Variants in DNAH11 observed in about 807,000 individuals in gnomAD.
DNAH11 encodes dynein axonemal heavy chain 11.
DNAH11 carries 442 observed loss-of-function variants against 526.0 expected under a neutral mutation model. The ratio of observed to expected loss-of-function variants is 0.84; its 90% CI spans 0.78 to 0.91. DNAH11 has a LOEUF of 0.91. Among genes scored for constraint, DNAH11 ranks in the 40% least tolerant of loss-of-function variants. The pLI, the probability that DNAH11 is intolerant of heterozygous loss-of-function variation, is 0.00. For missense variants in DNAH11, 6,989 were observed against 5,448.7 expected (o/e 1.28, Z -8.90); for synonymous variants, 2,461 against 1,935.9 (o/e 1.27, Z -7.12).
intron 55 of DNAH11, among the ~76,000 whole-genome samples, chr7:21,766,385 C>T (rs1787185913): frequency 6.6e-6 from 1 of 152,152 alleles, no homozygotes; most frequent in Non-Finnish European, 1.5e-5. Context: ...GCTTTGTCTT[C>T]TCATTCCATT....
chr7:21,886,758 T>C (rs1023556437), intron 76 of DNAH11, among the ~76,000 whole-genome samples: 5 of 152,150 alleles, frequency 3.3e-5, no homozygotes, highest in African/African-American at 1.2e-4. Context: ...ATTCAAATAA[T>C]TGTAAAATAA....
intron 22 of DNAH11, 53 bp downstream of exon 22, chr7:21,616,345 C>G (rs767779996): frequency 7.2e-7 from 1 of 1,380,440 alleles, no homozygotes. Context: ...GCACCACCTC[C>G]TTCCATCTTC....
intron 61 of DNAH11, among the ~76,000 whole-genome samples, chr7:21,795,247 G>C (rs76431499): frequency 5.3e-5 from 8 of 152,180 alleles, no homozygotes; most frequent in African/African-American, 1.9e-4. Flanking sequence ...TGGCTGCTAG[G>C]TTTGGTGTGC....
chr7:21,571,033 A>G (rs1783865656), intron 7 of DNAH11, among the ~76,000 whole-genome samples: 1 of 152,202 alleles, frequency 6.6e-6, no homozygotes, highest in Non-Finnish European at 1.5e-5. Context: ...AATCACTTAA[A>G]TGAGCCTGAA....
chr7:21,751,043 G>A (rs1324322035), intron 54 of DNAH11, among the ~76,000 whole-genome samples: 2 of 152,128 alleles, frequency 1.3e-5, no homozygotes, highest in Non-Finnish European at 2.9e-5. Context: ...ACTCAGATGG[G>A]CCGGGTGCAG....
intron 76 of DNAH11, 27 bp from the exon 77 acceptor site, chr7:21,892,398 T>G (rs777730710): frequency 1.3e-6 from 2 of 1,589,096 alleles, no homozygotes; most frequent in South Asian, 2.3e-5. Flanking sequence ...ACATTTGGAA[T>G]AACTGACTTT....
rs1367807231 is a variant in DNAH11, at chr7:21,873,271, C to A, written c.11968-3C>A. 3.2e-6 allele frequency: 5 copies of A among 1,576,704 alleles called. No homozygotes were observed. The South Asian group carries it at 5.8e-5, about 18-fold the overall frequency. On this transcript the variant is annotated splice_region_variant and splice_polypyrimidine_tract_variant and intron_variant, in intron 73 of 81. Coordinates refer to ENST00000409508, the MANE Select transcript of DNAH11 (RefSeq NM_001277115.2). Reference sequence around the variant, plus strand: ...AGGAATTATGCACCATGCTATCTTTCAGAATGTTCATTTGGTAGCCAAGTG... The same window carrying A: ...AGGAATTATGCACCATGCTATCTTTAAGAATGTTCATTTGGTAGCCAAGTG...
Position 21,561,054 on chromosome 7 carries a change from T to G in DNAH11, c.883-17T>G. The stretch of plus-strand genomic sequence containing the variant: ...GTTTATATTTATTAAAGTTCTTCTT[T>G]TTTTCCTTTAACTTAGCTTCAGGCA... On this transcript the variant is annotated splice_polypyrimidine_tract_variant and intron_variant, in intron 4 of 81. Coordinates refer to ENST00000409508, the MANE Select transcript of DNAH11 (RefSeq NM_001277115.2). The G allele has an allele frequency of 6.5e-7, 1 of 1,538,338 alleles. No individual in the cohort carries two copies. Among genetic ancestry groups the G allele is most frequent in the Non-Finnish European group, 8.8e-7 (1 of 1,131,618 alleles).
intron 62 of DNAH11, among the ~76,000 whole-genome samples, chr7:21,806,398 G>C (rs1048113995): frequency 2.0e-5 from 3 of 152,146 alleles, no homozygotes; most frequent in African/African-American, 7.2e-5. Context: ...TTTATAAAGA[G>C]GGCTAGAGAG....
At chr7:21,681,400 C>G in intron 30 of DNAH11, 146 bp from the exon 31 acceptor site, 1 of 792,360 alleles carries the variant, frequency 1.3e-6, no homozygotes, top group East Asian at 3.2e-5. Context: ...GCACTCCAGC[C>G]TGGGTGACAG....
intron 55 of DNAH11, among the ~76,000 whole-genome samples, chr7:21,765,949 A>G (rs961624354): frequency 1.7e-4 from 26 of 152,144 alleles, no homozygotes; most frequent in African/African-American, 5.8e-4. Context: ...TTTAAGTCCA[A>G]ACTAAAAGCC....
At chr7:21,858,876 A>G (rs1782954159) in intron 68 of DNAH11, among the ~76,000 whole-genome samples, 1 of 152,198 alleles carries the variant, frequency 6.6e-6, no homozygotes, top group African/African-American at 2.4e-5. Context: ...TAGTATGTAA[A>G]CGAAAAACTG....
At chr7:21,859,069 G>A (rs116844428) in intron 68 of DNAH11, among the ~76,000 whole-genome samples, 5 of 152,024 alleles carry the variant, frequency 3.3e-5, no homozygotes, top group Middle Eastern at 3.4e-3. Context: ...TTAACTTCAG[G>A]CTATGTGTAT....
chr7:21,898,138 T>C (rs1784593369), intron 79 of DNAH11, among the ~76,000 whole-genome samples: 1 of 152,262 alleles, frequency 6.6e-6, no homozygotes, highest in African/African-American at 2.4e-5. Context: ...TTGTTTTAGT[T>C]GTTACAAATT....
rs768643874 is a variant in DNAH11 at position 21,599,963 on chromosome 7, G to C, written c.2844G>C (p.Met948Ile). Residue 948 changes from methionine to isoleucine, a missense_variant, in exon 15 of 82, where the codon ATG becomes ATC. By Grantham distance (10) the Met-to-Ile change is conservative (BLOSUM62 1). Coordinates refer to ENST00000409508, the MANE Select transcript of DNAH11 (RefSeq NM_001277115.2). Reference protein sequence around the residue: ...LKPAPFFQAQMILLPPEIVFK... With the variant: ...LKPAPFFQAQIILLPPEIVFK... ...CGGCACCGTTTTTTCAAGCACAAAT[G>C]ATCTTGTTGCCTCCTGAGATTGTGT... 8 of 1,613,666 alleles carry C rather than the reference G, an allele frequency of 5.0e-6. No homozygotes were observed. Among genetic ancestry groups the C allele is most frequent in the Non-Finnish European group, 6.8e-6 (8 of 1,179,768 alleles).
At chr7:21,761,771 A>C (rs6967362) in intron 54 of DNAH11, among the ~76,000 whole-genome samples, 53,939 of 151,872 alleles carry the variant, frequency 0.36, 11,193 homozygotes, top group Non-Finnish European at 0.48. Context: ...AATAATACAT[A>C]ACATGGGAGA....
chr7:21,711,373 A>G (rs1455850545), intron 41 of DNAH11, among the ~76,000 whole-genome samples: 3 of 152,212 alleles, frequency 2.0e-5, no homozygotes, highest in African/African-American at 7.2e-5. Flanking sequence ...TCTTTGGACA[A>G]TTGATAATTG....
chr7:21,823,959 C>G (rs555516861), intron 65 of DNAH11, among the ~76,000 whole-genome samples: 2 of 152,308 alleles, frequency 1.3e-5, no homozygotes, highest in African/African-American at 4.8e-5. Context: ...AAAGCTTGAA[C>G]AAGCCTAGAG....
At chr7:21,869,477 G>A (rs961436843) in intron 73 of DNAH11, among the ~76,000 whole-genome samples, 2 of 152,016 alleles carry the variant, frequency 1.3e-5, no homozygotes, top group Non-Finnish European at 2.9e-5. Context: ...TGGGGGGAAT[G>A]GAATTTATTG....
Sources: gnomAD v4.1 joint callset for allele counts (sites outside exome capture counted in the v4.1 genomes callset) on GRCh38, gnomAD v4.1.1 for gene constraint, MANE v1.5 for transcripts, NCBI Gene and HGNC (gene_info 2026-07-23, HGNC 2026-07-21) for gene names.